DCDC2: variants seen among roughly 807,000 people sequenced by gnomAD.
DCDC2 encodes the protein doublecortin domain-containing protein 2.
DCDC2 carries 40 observed loss-of-function variants against 50.2 expected under a neutral mutation model. That is an observed-to-expected ratio of 0.80 (90% CI 0.62 to 1.04). The LOEUF (loss-of-function observed/expected upper bound fraction) is 1.04. Among genes scored for constraint, DCDC2 ranks in the 50% least tolerant of loss-of-function variants. DCDC2 has a pLI of 0.00. For missense variants in DCDC2, 570 were observed against 581.9 expected (o/e 0.98, Z 0.21); for synonymous variants, 234 against 210.6 (o/e 1.11, Z -0.96).
intron 2 of DCDC2, among the ~76,000 whole-genome samples, chr6:24,349,276 AC>A (rs1239449750): frequency 6.6e-6 from 1 of 152,254 alleles, no homozygotes; most frequent in East Asian, 1.9e-4. Context: ...ATGATGTAGT[AC>A]TAGAGATGCT....
intron 7 of DCDC2, among the ~76,000 whole-genome samples, chr6:24,214,560 ATAAT>A (rs1761936917): frequency 6.6e-6 from 1 of 152,240 alleles, no homozygotes; most frequent in African/African-American, 2.4e-5. Context: ...GGGACTGAAA[ATAAT>A]TAAGTACCTC....
chr6:24,291,311 C>A (rs1308514150), intron 4 of DCDC2, among the ~76,000 whole-genome samples: 2 of 152,152 alleles, frequency 1.3e-5, no homozygotes, highest in Non-Finnish European at 2.9e-5. Context: ...GACTATCTTG[C>A]TGTACAGGGT....
intron 6 of DCDC2, among the ~76,000 whole-genome samples, chr6:24,278,935 C>T (rs1763415836): frequency 6.6e-6 from 1 of 152,172 alleles, no homozygotes; most frequent in South Asian, 2.1e-4. Flanking sequence ...CATGTCCCCA[C>T]TTGTTCCTGA....
intron 2 of DCDC2, among the ~76,000 whole-genome samples, chr6:24,333,076 T>C (rs12661152): frequency 0.082 from 12,399 of 152,110 alleles, 733 homozygotes; most frequent in East Asian, 0.35. Flanking sequence ...AGGGTAAATA[T>C]GAGCAAAAAA....
chr6:24,308,667 C>T (rs1007419517), intron 2 of DCDC2, among the ~76,000 whole-genome samples: 66 of 151,930 alleles, frequency 4.3e-4, no homozygotes, highest in African/African-American at 1.6e-3. Flanking sequence ...GTTATAAATA[C>T]GTTAAAAAAT....
At chr6:24,254,233 A>C (rs1397902701) in intron 7 of DCDC2, among the ~76,000 whole-genome samples, 1 of 152,146 alleles carries the variant, frequency 6.6e-6, no homozygotes, top group Admixed American at 6.5e-5. Context: ...CACCTACCTG[A>C]GACTGTTCTA....
intron 2 of DCDC2, among the ~76,000 whole-genome samples, chr6:24,339,841 C>T (rs1176883699): frequency 6.6e-6 from 1 of 152,140 alleles, no homozygotes; most frequent in East Asian, 1.9e-4. Flanking sequence ...TTGGATGGGT[C>T]TTTTGACACC....
chr6:24,310,353 A>C (rs1229682395), intron 2 of DCDC2, among the ~76,000 whole-genome samples: 1 of 152,138 alleles, frequency 6.6e-6, no homozygotes, highest in Non-Finnish European at 1.5e-5. Context: ...TTGGGTATAT[A>C]ATCTTCTATG....
intron 7 of DCDC2, among the ~76,000 whole-genome samples, chr6:24,208,032 A>G (rs1761761052): frequency 6.6e-6 from 1 of 152,108 alleles, no homozygotes; most frequent in African/African-American, 2.4e-5. Context: ...CTACACCCTT[A>G]AATACCCTGA....
chr6:24,214,508 T>C (rs1475356183), intron 7 of DCDC2, among the ~76,000 whole-genome samples: 3 of 152,202 alleles, frequency 2.0e-5, no homozygotes, highest in African/African-American at 4.8e-5. Flanking sequence ...TCCTAACCTA[T>C]ATAAATTATG....
At chr6:24,293,992 T>C (rs994105927) in intron 4 of DCDC2, among the ~76,000 whole-genome samples, 4 of 152,114 alleles carry the variant, frequency 2.6e-5, no homozygotes, top group Non-Finnish European at 5.9e-5. Context: ...AGAACAAAAA[T>C]ACAACATACC....
the DCDC2 span, among the ~76,000 whole-genome samples, chr6:24,375,632 T>C: frequency 6.6e-6 from 1 of 152,164 alleles, no homozygotes; most frequent in Non-Finnish European, 1.5e-5. Flanking sequence ...CACCACTCCA[T>C]AGAAATTAGC....
rs962336708 is a variant in DCDC2 at position 24,173,107 on chromosome 6, G to A, written c.*1623C>T. The stretch of plus-strand genomic sequence containing the variant: ...ATATCATCCCATTTGAAAAAGTAAC[G>A]CTAGTAGAAAGCACAATTTAGATTT... On this transcript the variant is annotated 3_prime_UTR_variant, in exon 10 of 10. Coordinates refer to ENST00000378454, the MANE Select transcript of DCDC2 (RefSeq NM_016356.5). The A allele has an allele frequency of 2.6e-5, 4 of 151,730 alleles. No homozygotes were observed. Among genetic ancestry groups the A allele is most frequent in the African/African-American group, 2.4e-5 (1 of 41,350 alleles). The allele number at this position is 151,730 out of a possible 1,614,324, so 9.4% of individuals were successfully genotyped here.
At chr6:24,195,752 T>C (rs1172522236) in intron 8 of DCDC2, among the ~76,000 whole-genome samples, 28 of 152,128 alleles carry the variant, frequency 1.8e-4, no homozygotes, top group Admixed American at 1.8e-3. Flanking sequence ...CACCACAAGT[T>C]GAGAATGATT....
intron 7 of DCDC2, among the ~76,000 whole-genome samples, chr6:24,211,067 T>C (rs1400024077): frequency 1.3e-5 from 2 of 152,150 alleles, no homozygotes; most frequent in Non-Finnish European, 2.9e-5. Context: ...CCTGGTTTAA[T>C]TCTCTGCCTT....
chr6:24,260,908 A>T (rs2113806007), intron 7 of DCDC2, among the ~76,000 whole-genome samples: 1 of 152,338 alleles, frequency 6.6e-6, no homozygotes, highest in South Asian at 2.1e-4. Context: ...TTATTCCAAT[A>T]TTGGATTGAA....
chr6:24,193,892 C>A (rs2113752997), intron 8 of DCDC2, among the ~76,000 whole-genome samples: 1 of 151,936 alleles, frequency 6.6e-6, no homozygotes, highest in South Asian at 2.1e-4. Context: ...GTTAATAAAT[C>A]AAAACAAAAT....
chr6:24,186,207 A>G (rs1761199441), intron 8 of DCDC2, among the ~76,000 whole-genome samples: 1 of 152,162 alleles, frequency 6.6e-6, no homozygotes, highest in Non-Finnish European at 1.5e-5. Flanking sequence ...GCAACAAATG[A>G]CTCTATCTTC....
At chr6:24,279,275 G>A (rs1444832219) in intron 6 of DCDC2, among the ~76,000 whole-genome samples, 2 of 152,042 alleles carry the variant, frequency 1.3e-5, no homozygotes, top group African/African-American at 2.4e-5. Context: ...AGGCAGAGGT[G>A]GGAGGATCAT....
Sources: gnomAD v4.1 joint callset for allele counts (sites outside exome capture counted in the v4.1 genomes callset) on GRCh38, gnomAD v4.1.1 for gene constraint, MANE v1.5 for transcripts, NCBI Gene and HGNC (gene_info 2026-07-23, HGNC 2026-07-21) for gene names.